Variants in VPS35L observed in about 807,000 individuals in gnomAD.
VPS35L encodes VPS35 endosomal protein sorting factor like.
VPS35L carries 83 observed loss-of-function variants against 133.0 expected under a neutral mutation model. The observed-to-expected ratio is 0.62, with a 90% CI of 0.52 to 0.75. VPS35L has a LOEUF of 0.75. Ranked by LOEUF, VPS35L falls within the 30% of genes least tolerant of loss-of-function variation. The probability of loss-of-function intolerance (pLI) is 0.00; values close to 1 mark genes in which losing one functional copy is unlikely to be tolerated. For synonymous variants in VPS35L, 423 were observed against 449.9 expected, an observed-to-expected ratio of 0.94 and a Z score of 0.76; for missense variants, 1,083 against 1,206.8, an observed-to-expected ratio of 0.90 and a Z score of 1.52.
chr16:19,612,200 G>A (rs1212963775), intron 12 of VPS35L, among the ~76,000 whole-genome samples: 1 of 151,274 alleles, frequency 6.6e-6, no homozygotes, highest in Non-Finnish European at 1.5e-5. Flanking sequence ...GCCTCTCAAA[G>A]TGCTGGGTTT....
At chr16:19,679,935 A>G (rs1026727902) in intron 27 of VPS35L, among the ~76,000 whole-genome samples, 9 of 152,248 alleles carry the variant, frequency 5.9e-5, no homozygotes, top group South Asian at 2.1e-4. Flanking sequence ...TATAATGGCA[A>G]TGCTGCTCAT....
chr16:19,581,881 C>T, intron 7 of VPS35L: 2 of 560,146 alleles, frequency 3.6e-6, no homozygotes, highest in South Asian at 2.2e-5. Flanking sequence ...CTGCACAACT[C>T]CAGGAAGCAC....
chr16:19,616,992 T>C (rs1329877406), intron 14 of VPS35L, 184 bp downstream of exon 14: 7 of 851,530 alleles, frequency 8.2e-6, no homozygotes, highest in African/African-American at 1.7e-5. Context: ...TGAGATAGTC[T>C]CATTTTGACA....
chr16:19,670,125 T>C (rs992591805), intron 27 of VPS35L, among the ~76,000 whole-genome samples: 2 of 152,202 alleles, frequency 1.3e-5, no homozygotes, highest in South Asian at 4.1e-4. Flanking sequence ...CTTCCCGTTA[T>C]GTCCTCATGT....
chr16:19,688,475 C>T (rs980150595), intron 28 of VPS35L, among the ~76,000 whole-genome samples: 3 of 152,164 alleles, frequency 2.0e-5, no homozygotes, highest in Non-Finnish European at 4.4e-5. Flanking sequence ...GCACTTGTGG[C>T]CGCGTGTACA....
chr16:19,608,866 TC>T, intron 10 of VPS35L, 107 bp from the exon 11 acceptor site: 1 of 866,816 alleles, frequency 1.2e-6, no homozygotes, highest in Non-Finnish European at 1.9e-6. Flanking sequence ...GCCACTGTGG[TC>T]CCCATCTCCT....
chr16:19,600,869 A>G (rs1317141545), intron 8 of VPS35L, among the ~76,000 whole-genome samples: 1 of 152,134 alleles, frequency 6.6e-6, no homozygotes. Context: ...CACATTTTTG[A>G]CATATTTTAT....
intron 7 of VPS35L, among the ~76,000 whole-genome samples, chr16:19,590,089 G>A (rs1024586376): frequency 6.8e-6 from 1 of 147,240 alleles, no homozygotes; most frequent in African/African-American, 2.5e-5. Context: ...ACATCCAGTT[G>A]CCACGTTTGG....
At position 19,613,121 on chromosome 16, in the gene VPS35L, C is replaced by T. The variant is rs60474053; in HGVS notation, c.1023+2706C>T. Among the ~76,000 whole-genome samples the T allele has an allele frequency of 2.1e-3, 318 of 152,170 alleles. 1 individual carries two copies. Among genetic ancestry groups the T allele is most frequent in the African/African-American group, 7.4e-3 (308 of 41,518 alleles). ...TTCAAGACCAACCTGGCCAACATGG[C>T]AAAAACCTGTCTCTACTAAAAAATA... On this transcript the variant is annotated intron_variant, in intron 12 of 30. Coordinates refer to ENST00000417362, the MANE Select transcript of VPS35L (RefSeq NM_020314.7).
intron 26 of VPS35L, among the ~76,000 whole-genome samples, chr16:19,660,966 T>C (rs960403290): frequency 2.0e-5 from 3 of 152,094 alleles, no homozygotes; most frequent in African/African-American, 7.2e-5. Flanking sequence ...GACATCTTGA[T>C]TTTTTTCTTT....
intron 27 of VPS35L, among the ~76,000 whole-genome samples, chr16:19,677,592 G>A (rs8059936): frequency 0.48 from 72,355 of 151,952 alleles, 19,722 homozygotes; most frequent in African/African-American, 0.76. Flanking sequence ...GGTGGGAAGC[G>A]GCACTGTGCT....
intron 1 of VPS35L, among the ~76,000 whole-genome samples, chr16:19,560,474 C>A (rs1004320797): frequency 6.6e-6 from 1 of 152,176 alleles, no homozygotes; most frequent in South Asian, 2.1e-4. Flanking sequence ...TTTCAACATT[C>A]TACTTTTCTT....
chr16:19,608,634 G>A, intron 10 of VPS35L: 6 of 391,824 alleles, frequency 1.5e-5, no homozygotes, highest in Non-Finnish European at 2.7e-5. Flanking sequence ...TACTATTGAA[G>A]AACAGATAAT....
intron 28 of VPS35L, among the ~76,000 whole-genome samples, chr16:19,685,044 T>G (rs1486019801): frequency 7.4e-6 from 1 of 134,366 alleles, no homozygotes; most frequent in Non-Finnish European, 1.6e-5. Context: ...AGAGCAAGAC[T>G]CCATCTCAAA....
intron 7 of VPS35L, chr16:19,581,916 A>G (rs1971723150): frequency 4.1e-6 from 2 of 485,508 alleles, no homozygotes; most frequent in East Asian, 3.6e-5. Context: ...TACAGAACTG[A>G]TGATACCCCA....
intron 8 of VPS35L, among the ~76,000 whole-genome samples, chr16:19,600,794 G>T (rs1972358720): frequency 6.6e-6 from 1 of 152,162 alleles, no homozygotes; most frequent in Admixed American, 6.5e-5. Context: ...ACTGGTTAGT[G>T]TATATGCCAT....
chr16:19,578,691 T>C (rs1237091232), intron 5 of VPS35L: 1 of 327,340 alleles, frequency 3.1e-6, no homozygotes, highest in East Asian at 7.9e-5. Flanking sequence ...AGTAAGAGCC[T>C]AAGAGGGCCT....
At chr16:19,682,413 A>G in intron 28 of VPS35L, 23 bp downstream of exon 28, 3 of 1,606,068 alleles carry the variant, frequency 1.9e-6, no homozygotes, top group Non-Finnish European at 2.6e-6. Context: ...CCCCCACCAA[A>G]CCATGCTCCG....
At chr16:19,593,744 C>G (rs568418358) in intron 8 of VPS35L, among the ~76,000 whole-genome samples, 2 of 152,134 alleles carry the variant, frequency 1.3e-5, no homozygotes, top group African/African-American at 2.4e-5. Context: ...TGGTGAAACC[C>G]CGTCTCTACT....
Sources: gnomAD v4.1 joint callset for allele counts (sites outside exome capture counted in the v4.1 genomes callset) on GRCh38, gnomAD v4.1.1 for gene constraint, MANE v1.5 for transcripts, NCBI Gene and HGNC (gene_info 2026-07-23, HGNC 2026-07-21) for gene names.